The following HNF1B variants were observed in gnomAD, a reference collection of about 807,000 sequenced individuals.
HNF1B encodes the protein hepatocyte nuclear factor 1-beta.
Under a neutral mutation model 61.7 loss-of-function variants are expected in HNF1B, and 8 were observed. The ratio of observed to expected loss-of-function variants is 0.13; its 90% confidence interval spans 0.08 to 0.23. The LOEUF (loss-of-function observed/expected upper bound fraction) is 0.23. Among genes scored for constraint, HNF1B ranks in the 10% least tolerant of loss-of-function variants. The pLI, the probability that HNF1B is intolerant of heterozygous loss-of-function variation, is 1.00. For missense variants in HNF1B, 562 were observed against 714.5 expected (o/e 0.79, Z 2.43); for synonymous variants, 314 against 287.7 (o/e 1.09, Z -0.93).
chr17:37,724,903 CGTGTGTGTGTGTGTGT>C (rs34210303), intron 4 of HNF1B, among the ~76,000 whole-genome samples: 4 of 145,406 alleles, frequency 2.8e-5, no homozygotes, highest in South Asian at 4.4e-4. Context: ...TATATGTATG[CGTGTGTGTGTGTGTGT>C]GTGTGTGTGT....
chr17:37,722,702 T>C (rs373318188), intron 4 of HNF1B, among the ~76,000 whole-genome samples: 9 of 152,196 alleles, frequency 5.9e-5, no homozygotes, highest in African/African-American at 2.2e-4. Flanking sequence ...TGCCAGTTGA[T>C]TCCTCAGTGG....
chr17:37,699,601 C>A (rs115000940), intron 7 of HNF1B, among the ~76,000 whole-genome samples: 2 of 152,168 alleles, frequency 1.3e-5, no homozygotes, highest in Non-Finnish European at 2.9e-5. Flanking sequence ...GTCCACAGGT[C>A]GCTGGTGACC....
At chr17:37,694,753 T>A (rs2032329282) in intron 8 of HNF1B, among the ~76,000 whole-genome samples, 1 of 152,036 alleles carries the variant, frequency 6.6e-6, no homozygotes, top group African/African-American at 2.4e-5. Flanking sequence ...TCTGTGGAAG[T>A]TTGAACTTCA....
chr17:37,712,725 C>T (rs79587977), intron 4 of HNF1B, among the ~76,000 whole-genome samples: 5,981 of 152,262 alleles, frequency 0.039, 159 homozygotes, highest in Non-Finnish European at 0.062. Flanking sequence ...ATTACTTTCC[C>T]TCTCTGTGCC....
intron 4 of HNF1B, among the ~76,000 whole-genome samples, chr17:37,711,825 A>T (rs1180017284): frequency 6.6e-6 from 1 of 152,192 alleles, no homozygotes; most frequent in African/African-American, 2.4e-5. Flanking sequence ...CCAGTTTCCC[A>T]AGATGAACCA....
chr17:37,727,687 G>A (rs1228632551), intron 4 of HNF1B, among the ~76,000 whole-genome samples: 5 of 152,128 alleles, frequency 3.3e-5, no homozygotes, highest in East Asian at 3.9e-4. Context: ...CTATTGTGCC[G>A]GACATTCCAG....
At chr17:37,693,242 C>T (rs2032269494) in intron 8 of HNF1B, among the ~76,000 whole-genome samples, 1 of 150,334 alleles carries the variant, frequency 6.7e-6, no homozygotes, top group Admixed American at 6.6e-5. Flanking sequence ...ACAACTATCT[C>T]CTAAAGGATC....
intron 4 of HNF1B, among the ~76,000 whole-genome samples, chr17:37,723,014 C>T (rs936323326): frequency 1.1e-4 from 17 of 152,168 alleles, no homozygotes; most frequent in African/African-American, 3.9e-4. Context: ...AAGCAATACA[C>T]ATGAGAGGAG....
At position 37,715,585 on chromosome 17, in the gene HNF1B, A is replaced by G. The variant is rs189239831; in HGVS notation, c.1046-4922T>C. 1.4e-3 allele frequency among the ~76,000 whole-genome samples: 208 copies of G among 152,244 alleles called. 1 individual carries two copies. Among genetic ancestry groups the G allele is most frequent in the African/African-American group, 4.7e-3 (196 of 41,538 alleles). On this transcript the variant is annotated intron_variant, in intron 4 of 8. Transcript: ENST00000617811. ...CTGTGTGTACATATGCGCACCTCAAACATCCACCAGCCGCCTCGGTCCACT... is the reference window on the plus strand; with the variant it reads ...CTGTGTGTACATATGCGCACCTCAAGCATCCACCAGCCGCCTCGGTCCACT...
chr17:37,727,874 G>T (rs1309815986), intron 4 of HNF1B, among the ~76,000 whole-genome samples: 1 of 152,160 alleles, frequency 6.6e-6, no homozygotes, highest in Non-Finnish European at 1.5e-5. Flanking sequence ...TGTTTGGAGA[G>T]GGGAGAGCGT....
At chr17:37,691,556 C>T (rs1462745269) in intron 8 of HNF1B, among the ~76,000 whole-genome samples, 1 of 152,140 alleles carries the variant, frequency 6.6e-6, no homozygotes, top group Non-Finnish European at 1.5e-5. Context: ...CCAAGAGTGA[C>T]CCAGCTTCCA....
At chr17:37,725,589 C>T (rs2033469094) in intron 4 of HNF1B, among the ~76,000 whole-genome samples, 1 of 152,190 alleles carries the variant, frequency 6.6e-6, no homozygotes, top group South Asian at 2.1e-4. Context: ...ATGCTGGAGC[C>T]ACCCATGTCC....
chr17:37,705,038 T>G lies in HNF1B; in HGVS notation c.1218A>C (p.Ser406=), dbSNP rs1262966387. 1 of 1,613,864 alleles carries G rather than the reference T, an allele frequency of 6.2e-7. No individual in the cohort carries two copies. Among genetic ancestry groups the G allele is most frequent in the South Asian group, 1.1e-5 (1 of 91,040 alleles). ...TGCTGACTGGGGGCAAACCTCCTCC[T>G]GAGACTGAGATCTGATGGAGAGAAA... is the stretch of plus-strand genomic sequence containing the variant. ...LSPDGKMISV[S]GGGLPPVSTL... Residue 406 remains serine, a synonymous_variant, in exon 6 of 9, where the codon TCA becomes TCC. Coordinates refer to ENST00000617811, the MANE Select transcript of HNF1B (RefSeq NM_000458.4).
chr17:37,723,136 G>C (rs1242310134), intron 4 of HNF1B, among the ~76,000 whole-genome samples: 1 of 151,634 alleles, frequency 6.6e-6, no homozygotes, highest in African/African-American at 2.4e-5. Flanking sequence ...TCAGGAGATG[G>C]AGACCATCCT....
intron 4 of HNF1B, among the ~76,000 whole-genome samples, chr17:37,724,892 C>T (rs548827818): frequency 3.8e-5 from 5 of 132,672 alleles, no homozygotes; most frequent in Non-Finnish European, 7.8e-5. Context: ...TATATAACTT[C>T]TATATGTATG....
chr17:37,716,349 C>G (rs2033111081), intron 4 of HNF1B, among the ~76,000 whole-genome samples: 1 of 152,158 alleles, frequency 6.6e-6, no homozygotes, highest in East Asian at 2.0e-4. Context: ...AGGCGCCCAC[C>G]ACCACGCTCA....
intron 4 of HNF1B, among the ~76,000 whole-genome samples, chr17:37,719,514 A>G (rs188176147): frequency 9.2e-5 from 14 of 152,334 alleles, no homozygotes; most frequent in African/African-American, 3.4e-4. Flanking sequence ...AATGGTGGAC[A>G]TCGTTAGGCC....
chr17:37,723,067 C>T (rs907355225), intron 4 of HNF1B, among the ~76,000 whole-genome samples: 3 of 151,792 alleles, frequency 2.0e-5, no homozygotes, highest in Admixed American at 6.6e-5. Flanking sequence ...TGGCCGGGCG[C>T]GGTGGCTCAC....
chr17:37,714,378 G>GC (rs1477340058), intron 4 of HNF1B, among the ~76,000 whole-genome samples: 1 of 152,212 alleles, frequency 6.6e-6, no homozygotes, highest in African/African-American at 2.4e-5. Context: ...CTTCACCAAT[G>GC]CAAGTTCTTA....
Sources: allele counts gnomAD v4.1 joint callset (sites outside exome capture counted in the v4.1 genomes callset), GRCh38; gene constraint gnomAD v4.1.1; transcripts MANE v1.5; gene names NCBI Gene and HGNC (gene_info 2026-07-23, HGNC 2026-07-21).